ZNF385D: variants seen among roughly 807,000 people sequenced by gnomAD.
The protein encoded by ZNF385D is zinc finger protein 385D.
ZNF385D carries 15 observed loss-of-function variants against 35.8 expected under a neutral mutation model. That is an observed-to-expected ratio of 0.42 (90% CI 0.28 to 0.64). The LOEUF (loss-of-function observed/expected upper bound fraction) is 0.64. Among genes scored for constraint, ZNF385D ranks in the 30% least tolerant of loss-of-function variants. The pLI is 0.23. For missense variants in ZNF385D, 474 were observed against 494.6 expected (o/e 0.96, Z 0.39); for synonymous variants, 212 against 186.8 (o/e 1.13, Z -1.10).
chr3:21,639,729 T>C lies in ZNF385D; in HGVS notation c.165+25157A>G, dbSNP rs145564484. Among the ~76,000 whole-genome samples, 6 of 152,158 alleles carry C rather than the reference T, an allele frequency of 3.9e-5. No individual in the cohort carries two copies. In the East Asian group the frequency reaches 1.2e-3, roughly 29 times the overall value. On this transcript the variant is annotated intron_variant, in intron 2 of 7. Transcript: ENST00000281523. ...TCTCATTTTAATGAAATTCTCTATA[T>C]TGTTCACATAAAAACCAATTGTGTT...
intron 2 of ZNF385D, among the ~76,000 whole-genome samples, chr3:22,244,004 T>G (rs1699631687): frequency 6.6e-6 from 1 of 150,904 alleles, no homozygotes; most frequent in Non-Finnish European, 1.5e-5. Flanking sequence ...ACAGTCAACC[T>G]TTCAATTTAG....
At chr3:21,858,599 C>T (rs925271634) in intron 3 of ZNF385D, among the ~76,000 whole-genome samples, 4 of 152,054 alleles carry the variant, frequency 2.6e-5, no homozygotes, top group African/African-American at 9.7e-5. Flanking sequence ...GGAATAGTCT[C>T]TCAGGAGACA....
chr3:21,979,695 G>T (rs534064804), intron 3 of ZNF385D: 1 of 152,262 alleles, frequency 6.6e-6, no homozygotes, highest in Non-Finnish European at 1.5e-5. Context: ...CAGAGATGCT[G>T]AAAAAAGAAA....
At chr3:21,880,020 T>A (rs966558430) in intron 3 of ZNF385D, among the ~76,000 whole-genome samples, 31 of 152,018 alleles carry the variant, frequency 2.0e-4, no homozygotes, top group African/African-American at 7.2e-4. Context: ...ATAAATGCAA[T>A]TATTTTTTAA....
At chr3:22,036,029 C>T (rs1698295107) in intron 3 of ZNF385D, among the ~76,000 whole-genome samples, 1 of 152,062 alleles carries the variant, frequency 6.6e-6, no homozygotes, top group African/African-American at 2.4e-5. Flanking sequence ...TGAGCCTTGA[C>T]ACCTTGGATA....
At chr3:21,577,812 CTT>C (rs779083360) in intron 2 of ZNF385D, among the ~76,000 whole-genome samples, 10 of 133,512 alleles carry the variant, frequency 7.5e-5, no homozygotes, top group Non-Finnish European at 1.1e-4. Context: ...TATTTTTTTT[CTT>C]TTTTTTTTTT....
At chr3:21,812,956 C>A (rs1220629433) in intron 3 of ZNF385D, among the ~76,000 whole-genome samples, 4 of 152,206 alleles carry the variant, frequency 2.6e-5, no homozygotes, top group South Asian at 4.1e-4. Context: ...TACGGGCCAA[C>A]TGACACCTCA....
intron 3 of ZNF385D, among the ~76,000 whole-genome samples, chr3:21,812,676 G>A (rs1168515281): frequency 6.6e-6 from 1 of 152,226 alleles, no homozygotes; most frequent in Non-Finnish European, 1.5e-5. Context: ...TGAGGCTTGA[G>A]TAAGTAAACA....
intron 2 of ZNF385D, among the ~76,000 whole-genome samples, chr3:22,225,002 C>A (rs539779758): frequency 1.3e-5 from 2 of 152,038 alleles, no homozygotes; most frequent in South Asian, 4.2e-4. Context: ...CCTAATAGTG[C>A]TTATTCTCAA....
At chr3:22,039,875 G>A (rs7623592) in intron 3 of ZNF385D, among the ~76,000 whole-genome samples, 16,263 of 152,082 alleles carry the variant, frequency 0.11, 1,063 homozygotes, top group African/African-American at 0.18. Flanking sequence ...CTGAAAGGCT[G>A]ATCTACATTG....
intron 3 of ZNF385D, among the ~76,000 whole-genome samples, chr3:21,989,929 A>C (rs1281381011): frequency 6.6e-6 from 1 of 152,206 alleles, no homozygotes; most frequent in Non-Finnish European, 1.5e-5. Flanking sequence ...TGTGTGCCTG[A>C]TTTCACACAA....
At chr3:22,110,006 A>T (rs1702427194) in intron 3 of ZNF385D, among the ~76,000 whole-genome samples, 1 of 152,194 alleles carries the variant, frequency 6.6e-6, no homozygotes, top group Non-Finnish European at 1.5e-5. Flanking sequence ...TCAAAAGAAG[A>T]CATTTATGCA....
At chr3:21,531,643 C>A (rs1249908033) in intron 3 of ZNF385D, among the ~76,000 whole-genome samples, 1 of 152,146 alleles carries the variant, frequency 6.6e-6, no homozygotes, top group Non-Finnish European at 1.5e-5. Context: ...AGAAGCCAAT[C>A]TGAGAAAGCT....
chr3:21,926,447 C>G (rs1199688120), intron 3 of ZNF385D, among the ~76,000 whole-genome samples: 1 of 152,094 alleles, frequency 6.6e-6, no homozygotes, highest in East Asian at 1.9e-4. Context: ...ATCCATGTCC[C>G]TGCAAAGGAC....
chr3:22,176,092 A>C (rs1199961559), intron 2 of ZNF385D, among the ~76,000 whole-genome samples: 1 of 146,800 alleles, frequency 6.8e-6, no homozygotes, highest in Non-Finnish European at 1.5e-5. Flanking sequence ...GTGAATTTAA[A>C]ATTAAAACTA....
chr3:21,890,223 G>C (rs934234953), intron 3 of ZNF385D, among the ~76,000 whole-genome samples: 4 of 152,068 alleles, frequency 2.6e-5, no homozygotes, highest in African/African-American at 9.7e-5. Flanking sequence ...TAGAGGGAGA[G>C]AATTTGAAGG....
intron 3 of ZNF385D, among the ~76,000 whole-genome samples, chr3:21,926,279 C>T (rs1159877237): frequency 2.6e-5 from 4 of 151,904 alleles, no homozygotes; most frequent in East Asian, 1.9e-4. Context: ...TGCTATCCCT[C>T]CCCTAGTCCC....
At chr3:21,944,677 G>A (rs902241549) in intron 3 of ZNF385D, among the ~76,000 whole-genome samples, 1 of 152,032 alleles carries the variant, frequency 6.6e-6, no homozygotes, top group African/African-American at 2.4e-5. Context: ...ATTTAGAAAC[G>A]TTAAATTTCT....
intron 4 of ZNF385D, among the ~76,000 whole-genome samples, chr3:21,497,046 C>T (rs565729077): frequency 1.3e-5 from 2 of 152,090 alleles, no homozygotes; most frequent in East Asian, 3.9e-4. Flanking sequence ...GAAATCCTGG[C>T]CAGAGCAATC....
Sources: allele counts gnomAD v4.1 joint callset (sites outside exome capture counted in the v4.1 genomes callset), GRCh38; gene constraint gnomAD v4.1.1; transcripts MANE v1.5; gene names NCBI Gene and HGNC (gene_info 2026-07-23, HGNC 2026-07-21).